The following CA13 variants were observed in gnomAD, a reference collection of about 807,000 sequenced individuals.
CA13 encodes the protein CA-XIII.
In CA13, 21 loss-of-function variants were observed where a neutral mutation model predicts 31.5. The observed-to-expected ratio is 0.67, with a 90% CI of 0.47 to 0.96. The LOEUF is 0.96. Among genes scored for constraint, CA13 ranks in the 40% least tolerant of loss-of-function variants. The pLI is 0.00. For synonymous variants in CA13, 117 were observed against 111.4 expected, an observed-to-expected ratio of 1.05 and a Z score of -0.32; for missense variants, 315 against 318.9, an observed-to-expected ratio of 0.99 and a Z score of 0.09.
At chr8:85,264,424 A>G (rs778282362) in intron 3 of CA13, among the ~76,000 whole-genome samples, 1 of 152,166 alleles carries the variant, frequency 6.6e-6, no homozygotes, top group Non-Finnish European at 1.5e-5. Flanking sequence ...ATTGTTAGTC[A>G]GGAAATGTGA....
At chr8:85,264,309 TTAA>T (rs967118506) in intron 3 of CA13, among the ~76,000 whole-genome samples, 93 of 152,340 alleles carry the variant, frequency 6.1e-4, no homozygotes, top group African/African-American at 1.5e-3. Flanking sequence ...CTGCTAAATT[TTAA>T]TAATATTATT....
chr8:85,249,748 T>C, intron 1 of CA13: 2 of 361,348 alleles, frequency 5.5e-6, no homozygotes, highest in South Asian at 4.1e-5. Flanking sequence ...GCTGTATAAA[T>C]TTCAGGAATA....
intron 1 of CA13, 22 bp from the exon 2 acceptor site, chr8:85,250,718 C>A: frequency 4.7e-6 from 7 of 1,491,074 alleles, no homozygotes; most frequent in Non-Finnish European, 6.5e-6. Flanking sequence ...TAATCCTTTT[C>A]TTTTGGTCCT....
chr8:85,281,262 G>T lies in CA13; in HGVS notation c.702G>T (p.Ala234=). 6.2e-7 allele frequency: 1 copy of T among 1,613,970 alleles called. No individual in the cohort carries two copies. Among genetic ancestry groups the T allele is most frequent in the African/African-American group, 1.3e-5 (1 of 74,994 alleles). Residue 234 remains alanine (A), a synonymous_variant, in exon 7 of 7, where the codon GCG becomes GCT. Transcript: ENST00000321764. ...LAKFRSLLCT[A]EGEAAAFLVS... ...AATTTCGCAGTCTCCTGTGCACAGC[G>T]GAGGGTGAAGCAGCAGCTTTTCTGG... is the stretch of plus-strand genomic sequence containing the variant.
At chr8:85,273,149 T>C (rs1487611771) in intron 6 of CA13, among the ~76,000 whole-genome samples, 1 of 152,216 alleles carries the variant, frequency 6.6e-6, no homozygotes, top group Non-Finnish European at 1.5e-5. Flanking sequence ...TTTTCTAAAG[T>C]GGCTGTGTCA....
At chr8:85,249,877 C>A (rs908776460) in intron 1 of CA13, 8 of 441,612 alleles carry the variant, frequency 1.8e-5, no homozygotes, top group Admixed American at 1.8e-4. Flanking sequence ...ATAGAGTCTT[C>A]CAAAGAAGTG....
intron 4 of CA13, among the ~76,000 whole-genome samples, chr8:85,267,536 G>A (rs1436666730): frequency 6.6e-6 from 1 of 152,024 alleles, no homozygotes; most frequent in Non-Finnish European, 1.5e-5. Flanking sequence ...TGAATTGAGG[G>A]GCTGACTGTC....
At chr8:85,277,619 A>G (rs1023667448) in intron 6 of CA13, among the ~76,000 whole-genome samples, 1 of 152,168 alleles carries the variant, frequency 6.6e-6, no homozygotes, top group East Asian at 1.9e-4. Context: ...CTGATACCAG[A>G]TGCAACGCTC....
chr8:85,250,636 CTT>C (rs1813809228), intron 1 of CA13, 102 bp from the exon 2 acceptor site: 3 of 695,530 alleles, frequency 4.3e-6, no homozygotes, highest in Non-Finnish European at 7.2e-6. Flanking sequence ...TTTTATTAAT[CTT>C]TGCGTTTTCT....
intron 2 of CA13, among the ~76,000 whole-genome samples, chr8:85,256,790 G>A (rs563146247): frequency 1.3e-5 from 2 of 152,238 alleles, no homozygotes; most frequent in South Asian, 4.1e-4. Context: ...TTGAATAATT[G>A]CTAGCCCATC....
chr8:85,262,669 A>G (rs890891059), intron 3 of CA13, among the ~76,000 whole-genome samples: 3 of 152,208 alleles, frequency 2.0e-5, no homozygotes, highest in Non-Finnish European at 4.4e-5. Context: ...TTTGCATTTC[A>G]AAAATAATTC....
chr8:85,267,579 G>C (rs1330341412), intron 4 of CA13, among the ~76,000 whole-genome samples: 1 of 152,120 alleles, frequency 6.6e-6, no homozygotes, highest in African/African-American at 2.4e-5. Flanking sequence ...TTATTTGTTA[G>C]ACTGTCTTAT....
intron 4 of CA13, 54 bp from the exon 5 acceptor site, chr8:85,267,848 A>G: frequency 9.2e-7 from 1 of 1,090,448 alleles, no homozygotes. Flanking sequence ...AAATTGAGTG[A>G]TTCAGACTTG....
intron 2 of CA13, among the ~76,000 whole-genome samples, chr8:85,258,409 T>C (rs1807330596): frequency 6.6e-6 from 1 of 152,190 alleles, no homozygotes; most frequent in Non-Finnish European, 1.5e-5. Flanking sequence ...TGACAGATTT[T>C]TGAAAAATTA....
At chr8:85,258,354 A>G (rs1807329445) in intron 2 of CA13, among the ~76,000 whole-genome samples, 1 of 152,008 alleles carries the variant, frequency 6.6e-6, no homozygotes, top group Non-Finnish European at 1.5e-5. Context: ...GATCATATTT[A>G]CTGAGGAAAT....
At chr8:85,259,394 A>G in intron 2 of CA13, 27 bp from the exon 3 acceptor site, 1 of 1,576,046 alleles carries the variant, frequency 6.3e-7, no homozygotes, top group Non-Finnish European at 8.7e-7. Context: ...TTTCCTTGCT[A>G]ACAATATAAA....
chr8:85,267,236 C>G, intron 4 of CA13: 1 of 988,246 alleles, frequency 1.0e-6, no homozygotes, highest in East Asian at 1.1e-4. Context: ...TTTGTCACAC[C>G]CCATACTCTC....
At chr8:85,250,671 A>C in intron 1 of CA13, 69 bp from the exon 2 acceptor site, 1 of 969,336 alleles carries the variant, frequency 1.0e-6, no homozygotes, top group Non-Finnish European at 1.6e-6. Flanking sequence ...ACAGTGTGTT[A>C]TACTCAATGT....
rs756349635 is a variant in CA13 at position 85,268,497 on chromosome 8, T to G, written c.539T>G (p.Phe180Cys). The G allele has an allele frequency of 1.6e-5, 26 of 1,614,052 alleles. No homozygotes were observed. Among genetic ancestry groups the G allele is most frequent in the Non-Finnish European group, 1.9e-5 (22 of 1,180,014 alleles). ...EKGKQTRFTN[F>C]DLLSLLPPSW... ...GGTAAACAAACTCGATTCACAAATT[T>G]TGACCTATTGTCTCTGCTTCCACCA... Residue 180 changes from phenylalanine to cysteine, a missense_variant, in exon 6 of 7, where the codon TTT becomes TGT. Phe to Cys is a radical substitution (Grantham distance 205). Transcript: ENST00000321764.
Sources: gnomAD v4.1 joint callset for allele counts (sites outside exome capture counted in the v4.1 genomes callset) on GRCh38, gnomAD v4.1.1 for gene constraint, MANE v1.5 for transcripts, NCBI Gene and HGNC (gene_info 2026-07-23, HGNC 2026-07-21) for gene names.